Variants in MAGI2 observed in about 807,000 individuals in gnomAD.
The protein encoded by MAGI2 is membrane-associated guanylate kinase, WW and PDZ domain-containing protein 2.
MAGI2 carries 35 observed loss-of-function variants against 133.3 expected under a neutral mutation model. The ratio of observed to expected loss-of-function variants is 0.26; its 90% confidence interval spans 0.20 to 0.35. The LOEUF (loss-of-function observed/expected upper bound fraction) is 0.35. Among genes scored for constraint, MAGI2 ranks in the 10% least tolerant of loss-of-function variants. The pLI is 1.00. For synonymous variants in MAGI2, 729 were observed against 710.6 expected, an observed-to-expected ratio of 1.03 and a Z score of -0.41; for missense variants, 1,636 against 1,863.4, an observed-to-expected ratio of 0.88 and a Z score of 2.25.
intron 14 of MAGI2, among the ~76,000 whole-genome samples, chr7:78,172,408 G>A (rs750482178): frequency 2.6e-5 from 4 of 152,184 alleles, no homozygotes; most frequent in African/African-American, 7.2e-5. Context: ...GTCTGTCATC[G>A]TCTGTCTTTG....
intron 6 of MAGI2, among the ~76,000 whole-genome samples, chr7:78,409,341 C>T (rs1443677702): frequency 2.0e-5 from 3 of 152,040 alleles, no homozygotes; most frequent in Admixed American, 1.3e-4. Flanking sequence ...AAATCACTCT[C>T]GTTTTATAGA....
intron 1 of MAGI2, among the ~76,000 whole-genome samples, chr7:79,425,351 A>G (rs1847269771): frequency 6.6e-6 from 1 of 151,818 alleles, no homozygotes; most frequent in African/African-American, 2.4e-5. Context: ...GATTAAGATC[A>G]TCCATGAGGA....
At chr7:78,909,430 A>G (rs1012655212) in intron 2 of MAGI2, among the ~76,000 whole-genome samples, 1 of 32,088 alleles carries the variant, frequency 3.1e-5, no homozygotes, top group African/African-American at 1.4e-4. Context: ...CGTCTCTACT[A>G]AAAAAAAAAA....
intron 1 of MAGI2, among the ~76,000 whole-genome samples, chr7:79,224,693 C>A (rs541513905): frequency 1.3e-5 from 2 of 150,938 alleles, no homozygotes; most frequent in South Asian, 4.1e-4. Flanking sequence ...ATATGCTTTA[C>A]GCTAAGTGAA....
intron 1 of MAGI2, among the ~76,000 whole-genome samples, chr7:79,354,956 G>C (rs1841927185): frequency 6.6e-6 from 1 of 152,128 alleles, no homozygotes; most frequent in Admixed American, 6.5e-5. Context: ...TACCTCTGTT[G>C]GGATCACTAT....
At chr7:78,995,171 A>G (rs1006309985) in intron 2 of MAGI2, among the ~76,000 whole-genome samples, 89 of 145,422 alleles carry the variant, frequency 6.1e-4, no homozygotes, top group African/African-American at 2.2e-3. Flanking sequence ...AAAGCTGATG[A>G]AAAAAAAAAT....
intron 11 of MAGI2, among the ~76,000 whole-genome samples, chr7:78,198,084 C>T (rs1164571968): frequency 2.0e-5 from 3 of 152,208 alleles, no homozygotes; most frequent in African/African-American, 7.2e-5. Context: ...GTCGATGGGC[C>T]TCACTTGCTC....
chr7:78,749,836 A>C (rs1177611887), intron 2 of MAGI2, among the ~76,000 whole-genome samples: 1 of 152,184 alleles, frequency 6.6e-6, no homozygotes, highest in East Asian at 1.9e-4. Context: ...CCAAAGAAAA[A>C]TTTGATTTAT....
intron 1 of MAGI2, among the ~76,000 whole-genome samples, chr7:79,315,323 TA>T (rs1225082479): frequency 3.9e-4 from 38 of 96,576 alleles, no homozygotes; most frequent in Admixed American, 8.8e-4. Context: ...CATGCCCAGT[TA>T]ATTTTTTTTT....
chr7:79,321,421 G>A (rs10247724), intron 1 of MAGI2, among the ~76,000 whole-genome samples: 7,280 of 151,950 alleles, frequency 0.048, 285 homozygotes, highest in African/African-American at 0.11. Flanking sequence ...AGATGAGGTC[G>A]TCTAATATTT....
intron 20 of MAGI2, among the ~76,000 whole-genome samples, chr7:78,124,925 C>T (rs559882595): frequency 1.1e-4 from 16 of 150,544 alleles, no homozygotes; most frequent in African/African-American, 2.4e-4. Flanking sequence ...TGCAGTGGCA[C>T]GATCTTGGCT....
At chr7:79,133,748 T>C (rs1184380075) in intron 1 of MAGI2, among the ~76,000 whole-genome samples, 1 of 152,178 alleles carries the variant, frequency 6.6e-6, no homozygotes, top group Non-Finnish European at 1.5e-5. Context: ...ATTACTACTA[T>C]ACTTAGTGCT....
chr7:79,168,790 T>C (rs1428568620), intron 1 of MAGI2, among the ~76,000 whole-genome samples: 2 of 151,770 alleles, frequency 1.3e-5, no homozygotes, highest in Non-Finnish European at 2.9e-5. Context: ...TATTACACCC[T>C]GGCAGTAGGC....
At chr7:78,907,955 G>A (rs543100717) in intron 2 of MAGI2, among the ~76,000 whole-genome samples, 4 of 152,180 alleles carry the variant, frequency 2.6e-5, no homozygotes, top group Non-Finnish European at 2.9e-5. Flanking sequence ...GAGACTTTAT[G>A]AAGAAGGGAA....
At chr7:78,766,087 C>A (rs943600182) in intron 2 of MAGI2, among the ~76,000 whole-genome samples, 1 of 152,170 alleles carries the variant, frequency 6.6e-6, no homozygotes, top group Non-Finnish European at 1.5e-5. Context: ...GCTTTTGTGG[C>A]CCTTTGAGTG....
rs549581425 is a variant in MAGI2 at position 78,087,136 on chromosome 7, G to C, written c.3568-8051C>G. Among the ~76,000 whole-genome samples the C allele has an allele frequency of 2.2e-3, 342 of 152,244 alleles. 1 individual carries two copies. Among genetic ancestry groups the C allele is most frequent in the Non-Finnish European group, 3.6e-3 (244 of 68,020 alleles). ...GCAGTCTGGGTTGGGTGCCTTTTCTGTGCATTTCTTTAGAAGTATTGACCT... is the reference window on the plus strand; with the variant it reads ...GCAGTCTGGGTTGGGTGCCTTTTCTCTGCATTTCTTTAGAAGTATTGACCT... On this transcript the variant is annotated intron_variant, in intron 20 of 21. Coordinates refer to ENST00000354212, the MANE Select transcript of MAGI2 (RefSeq NM_012301.4).
chr7:78,617,549 T>A (rs1447315468), intron 3 of MAGI2: 1 of 151,920 alleles, frequency 6.6e-6, no homozygotes, highest in East Asian at 1.9e-4. Flanking sequence ...ATCATGAGGG[T>A]TTCCAAGCCT....
At chr7:78,209,267 C>T (rs1416846551) in intron 10 of MAGI2, among the ~76,000 whole-genome samples, 2 of 82,880 alleles carry the variant, frequency 2.4e-5, no homozygotes, top group African/African-American at 4.5e-5. Context: ...AAAAGTCATT[C>T]TTTTTTTTTT....
intron 9 of MAGI2, among the ~76,000 whole-genome samples, chr7:78,294,261 C>T (rs1797012407): frequency 6.6e-6 from 1 of 151,980 alleles, no homozygotes; most frequent in Non-Finnish European, 1.5e-5. Context: ...AAGAATGGCA[C>T]ATTGGATGTA....
Sources: allele counts gnomAD v4.1 joint callset (sites outside exome capture counted in the v4.1 genomes callset), GRCh38; gene constraint gnomAD v4.1.1; transcripts MANE v1.5; gene names NCBI Gene and HGNC (gene_info 2026-07-23, HGNC 2026-07-21).